The following ZNF100 variants were observed in gnomAD, a reference collection of about 807,000 sequenced individuals.
ZNF100 encodes zinc finger protein 100.
A neutral mutation model predicts 15.8 loss-of-function variants in ZNF100; 12 were observed. That is an observed-to-expected ratio of 0.76 (90% CI 0.49 to 1.23). ZNF100 has a LOEUF of 1.23. ZNF100 is among the 50% of genes most tolerant of loss of function. The probability of loss-of-function intolerance (pLI) is 0.00; values close to 1 mark genes in which losing one functional copy is unlikely to be tolerated. For synonymous variants in ZNF100, 226 were observed against 214.8 expected (o/e 1.05, Z -0.45); for missense variants, 670 against 635.6 (o/e 1.05, Z -0.58).
chr19:21,748,160 T>TA (rs1211549889), intron 2 of ZNF100, among the ~76,000 whole-genome samples: 1 of 152,152 alleles, frequency 6.6e-6, no homozygotes, highest in Non-Finnish European at 1.5e-5. Flanking sequence ...ATACAAAATT[T>TA]AAAAAAATAA....
intron 4 of ZNF100, among the ~76,000 whole-genome samples, chr19:21,733,436 A>G (rs1358491811): frequency 6.6e-6 from 1 of 152,230 alleles, no homozygotes; most frequent in Non-Finnish European, 1.5e-5. Flanking sequence ...ATTATATTTC[A>G]AGATGATTAC....
Position 21,751,929 on chromosome 19 carries a change from T to C in ZNF100, c.97-6862A>G, listed in dbSNP as rs1429057677. ...AGCCATCCTCTCTTAAAGGGAGAAA[T>C]GAGGGGTTATAATGTCACGGGACCT... On this transcript the variant is annotated intron_variant, in intron 2 of 4. Transcript: ENST00000358296. 7.5e-6 allele frequency: 4 copies of C among 530,886 alleles called. No homozygotes were observed. The Admixed American group carries it at 1.2e-4, about 15-fold the overall frequency. 32.9% of individuals were successfully genotyped at this position (530,886 alleles called of 1,614,324 possible).
At chr19:21,756,714 T>G (rs2036397941) in intron 2 of ZNF100, among the ~76,000 whole-genome samples, 1 of 152,304 alleles carries the variant, frequency 6.6e-6, no homozygotes, top group African/African-American at 2.4e-5. Flanking sequence ...CCAAAAACAT[T>G]GTTAACAGAA....
At chr19:21,765,471 G>A (rs1234817933) in intron 2 of ZNF100, among the ~76,000 whole-genome samples, 2 of 152,084 alleles carry the variant, frequency 1.3e-5, no homozygotes, top group African/African-American at 4.8e-5. Context: ...GTTGTTGTTT[G>A]TCTTTTGGAA....
At position 21,745,966 on chromosome 19, in the gene ZNF100, A is replaced by G. The variant is rs1413365306; in HGVS notation, c.97-899T>C. Among the ~76,000 whole-genome samples, 4 of 152,190 alleles carry G rather than the reference A, an allele frequency of 2.6e-5. No homozygotes were observed. The East Asian group carries it at 5.8e-4, about 22-fold the overall frequency. The stretch of plus-strand genomic sequence containing the variant: ...TAAAACAAAGAGCCTTCATTTTCCA[A>G]AGACAGCTACATGCAAAGAAAACAT... On this transcript the variant is annotated intron_variant, in intron 2 of 4. Coordinates refer to ENST00000358296, the MANE Select transcript of ZNF100 (RefSeq NM_173531.4).
intron 4 of ZNF100, among the ~76,000 whole-genome samples, chr19:21,731,376 T>G (rs1188279785): frequency 6.6e-6 from 1 of 151,580 alleles, no homozygotes; most frequent in Non-Finnish European, 1.5e-5. Flanking sequence ...TGGCATGATC[T>G]TGGCTCACTG....
chr19:21,732,440 C>A (rs2035936270), intron 4 of ZNF100, among the ~76,000 whole-genome samples: 1 of 151,968 alleles, frequency 6.6e-6, no homozygotes, highest in African/African-American at 2.4e-5. Context: ...TAGAGGCAAA[C>A]AAACACAGAG....
Position 21,730,030 on chromosome 19 carries a change from AAGAC to A in ZNF100, c.323-2045_323-2042del, listed in dbSNP as rs544622403. 5.0e-3 allele frequency among the ~76,000 whole-genome samples: 754 copies of A among 152,078 alleles called. 4 individuals carry two copies. Among genetic ancestry groups the A allele is most frequent in the African/African-American group, 0.017 (707 of 41,532 alleles). ...ATCAATATAAAAATAAAAAGATACAAAGACAGAGAGAAAATGAGTGACCAAGATA... is the reference window on the plus strand; with the variant it reads ...ATCAATATAAAAATAAAAAGATACAAAGAGAGAAAATGAGTGACCAAGATA... On this transcript the variant is annotated intron_variant, in intron 4 of 4. Transcript: ENST00000358296.
chr19:21,735,226 G>C (rs2035987020), intron 4 of ZNF100, among the ~76,000 whole-genome samples: 1 of 152,114 alleles, frequency 6.6e-6, no homozygotes, highest in African/African-American at 2.4e-5. Flanking sequence ...TAAATGGACT[G>C]AATGCTCCAA....
In ZNF100 at chr19:21,745,760, G is replaced by T. The variant is rs544659337; in HGVS notation, c.97-693C>A. ...GATGGTCTCGATCTCCTGACCTCAT[G>T]ATCCACCCGCCTCGGCCTCCCAAAG... On this transcript the variant is annotated intron_variant, in intron 2 of 4. Coordinates refer to ENST00000358296, the MANE Select transcript of ZNF100 (RefSeq NM_173531.4). Among the ~76,000 whole-genome samples the T allele has an allele frequency of 2.0e-4, 31 of 152,068 alleles. No homozygotes were observed. The South Asian group carries it at 6.4e-3, about 32-fold the overall frequency.
chr19:21,763,195 T>C (rs1438432483), intron 2 of ZNF100, among the ~76,000 whole-genome samples: 2 of 152,222 alleles, frequency 1.3e-5, no homozygotes, highest in East Asian at 1.9e-4. Flanking sequence ...TTTCACTTTA[T>C]GGACTCACCT....
At chr19:21,729,460 C>A (rs900494567) in intron 4 of ZNF100, among the ~76,000 whole-genome samples, 5 of 151,592 alleles carry the variant, frequency 3.3e-5, no homozygotes, top group African/African-American at 4.8e-5. Context: ...AGGAGAAATA[C>A]CTAATGTAAA....
chr19:21,724,032 C>T lies in ZNF100; in HGVS notation c.*2651G>A, dbSNP rs954969010. 14 of 152,036 alleles carry T rather than the reference C, an allele frequency of 9.2e-5. No homozygotes were observed. Among genetic ancestry groups the T allele is most frequent in the African/African-American group, 3.4e-4 (14 of 41,398 alleles). 9.4% of individuals were successfully genotyped at this position (152,036 alleles called of 1,614,324 possible). A position where few individuals can be genotyped will look rare whatever the true frequency, so the allele number is the denominator to read the frequency against. On this transcript the variant is annotated 3_prime_UTR_variant, in exon 5 of 5. Coordinates refer to ENST00000358296, the MANE Select transcript of ZNF100 (RefSeq NM_173531.4). ...ATTCTTATAATCACAGACCAGCTCA[C>T]ATAATGAATACTTCATAATCTGTAA...
chr19:21,749,570 A>G (rs1362074845), intron 2 of ZNF100, among the ~76,000 whole-genome samples: 2 of 152,214 alleles, frequency 1.3e-5, no homozygotes, highest in Admixed American at 6.5e-5. Context: ...GGGTAAGAAG[A>G]AGGACAAGAA....
chr19:21,729,133 C>G (rs4369797), intron 4 of ZNF100, among the ~76,000 whole-genome samples: 1 of 152,180 alleles, frequency 6.6e-6, no homozygotes, highest in South Asian at 2.1e-4. Flanking sequence ...CGTCATTTGC[C>G]AGCATAGTCT....
At chr19:21,738,007 T>C (rs1399639963) in intron 4 of ZNF100, among the ~76,000 whole-genome samples, 2 of 152,000 alleles carry the variant, frequency 1.3e-5, no homozygotes, top group Admixed American at 1.3e-4. Flanking sequence ...TCCCAGCACT[T>C]TGAGAGGCTG....
intron 2 of ZNF100, among the ~76,000 whole-genome samples, chr19:21,761,834 C>A (rs915900186): frequency 6.6e-6 from 1 of 152,204 alleles, no homozygotes; most frequent in Non-Finnish European, 1.5e-5. Context: ...CTACATCCTG[C>A]TGATCTTGCT....
intron 2 of ZNF100, among the ~76,000 whole-genome samples, chr19:21,747,140 A>G (rs1242408218): frequency 6.6e-6 from 1 of 152,182 alleles, no homozygotes; most frequent in African/African-American, 2.4e-5. Flanking sequence ...AGTAATGAAC[A>G]TATGGGCCAC....
intron 2 of ZNF100, chr19:21,752,118 T>C (rs1402442575): frequency 5.7e-6 from 1 of 176,020 alleles, no homozygotes; most frequent in Non-Finnish European, 1.2e-5. Flanking sequence ...AACACTCTTC[T>C]GTCCTTTTTA....
Sources: gnomAD v4.1 joint callset for allele counts (sites outside exome capture counted in the v4.1 genomes callset) on GRCh38, gnomAD v4.1.1 for gene constraint, MANE v1.5 for transcripts, NCBI Gene and HGNC (gene_info 2026-07-23, HGNC 2026-07-21) for gene names.